PKNOX1: variants seen among roughly 807,000 people sequenced by gnomAD.
PKNOX1 encodes the protein PBX/knotted 1 homeobox 1.
A neutral mutation model predicts 51.9 loss-of-function variants in PKNOX1; 15 were observed. The ratio of observed to expected loss-of-function variants is 0.29; its 90% confidence interval spans 0.19 to 0.45. The LOEUF (loss-of-function observed/expected upper bound fraction) is 0.45. Among genes scored for constraint, PKNOX1 ranks in the 20% least tolerant of loss-of-function variants. The probability of loss-of-function intolerance (pLI) is 1.00; values close to 1 mark genes in which losing one functional copy is unlikely to be tolerated. For missense variants in PKNOX1, 462 were observed against 547.5 expected, an observed-to-expected ratio of 0.84 and a Z score of 1.56; for synonymous variants, 219 against 211.1, an observed-to-expected ratio of 1.04 and a Z score of -0.32.
At chr21:43,027,776 C>T (rs764712941) in intron 9 of PKNOX1, among the ~76,000 whole-genome samples, 13 of 152,066 alleles carry the variant, frequency 8.5e-5, no homozygotes, top group African/African-American at 1.4e-4. Context: ...ATGAGCTGGG[C>T]GAGGTGGTGG....
intron 1 of PKNOX1, among the ~76,000 whole-genome samples, chr21:42,994,995 T>A (rs1004775434): frequency 6.7e-6 from 1 of 149,904 alleles, no homozygotes; most frequent in Non-Finnish European, 1.5e-5. Context: ...AATCTTGACT[T>A]ACTGCAGCCT....
chr21:43,007,289 A>G (rs1274699420), intron 2 of PKNOX1, among the ~76,000 whole-genome samples: 1 of 152,200 alleles, frequency 6.6e-6, no homozygotes, highest in East Asian at 1.9e-4. Context: ...TGGTTATCTC[A>G]GTTCTTAAGC....
intron 1 of PKNOX1, among the ~76,000 whole-genome samples, chr21:42,993,577 CCTGGCAAGTCTA>C (rs1285474118): frequency 6.0e-5 from 9 of 150,810 alleles, no homozygotes; most frequent in Non-Finnish European, 1.2e-4. Context: ...TTTAAAAAGC[CCTGGCAAGTCTA>C]CTGCCTTATT....
At position 42,979,744 on chromosome 21, in the gene PKNOX1, AAAAAAAG is replaced by A. The variant is rs539050563; in HGVS notation, c.-57+5093_-57+5099del. ...GTGACACAGCGAGACTCCATCTCAG[AAAAAAAG>A]AAAAAAGAAAAATGAGGTGCTTATA... On this transcript the variant is annotated intron_variant, in intron 1 of 10. Coordinates refer to ENST00000291547, the MANE Select transcript of PKNOX1 (RefSeq NM_004571.5). 3.8e-4 allele frequency among the ~76,000 whole-genome samples: 58 copies of A among 151,620 alleles called. No homozygotes were observed. The South Asian group carries it at 6.3e-3, about 16-fold the overall frequency.
chr21:43,017,799 C>T (rs976444475), intron 6 of PKNOX1: 3 of 197,486 alleles, frequency 1.5e-5, no homozygotes, highest in African/African-American at 7.1e-5. Context: ...CCGAGTAGCC[C>T]ACCCAGGGAG....
chr21:42,978,141 G>T (rs1048222802), intron 1 of PKNOX1, among the ~76,000 whole-genome samples: 4 of 152,046 alleles, frequency 2.6e-5, no homozygotes, highest in Non-Finnish European at 5.9e-5. Context: ...GAGTAGCTGG[G>T]ATAACAGGTG....
In PKNOX1 at chr21:43,004,369, ACT is replaced by A. The variant is rs1978896459; in HGVS notation, c.-10_-9del. 6.3e-7 allele frequency: 1 copy of A among 1,587,638 alleles called. No individual in the cohort carries two copies. ...CCAAGATGATTTGATGTCTTATAAAACTCTGATGAACCATGATGGCTACACAG... is the reference window on the plus strand; with the variant it reads ...CCAAGATGATTTGATGTCTTATAAAACTGATGAACCATGATGGCTACACAG... On this transcript the variant is annotated 5_prime_UTR_variant, in exon 2 of 11. Coordinates refer to ENST00000291547, the MANE Select transcript of PKNOX1 (RefSeq NM_004571.5).
intron 1 of PKNOX1, among the ~76,000 whole-genome samples, chr21:42,999,639 C>T (rs577275814): frequency 6.6e-6 from 1 of 152,188 alleles, no homozygotes; most frequent in Admixed American, 6.5e-5. Context: ...CACCACCAAG[C>T]CCGGCTAATT....
intron 1 of PKNOX1, among the ~76,000 whole-genome samples, chr21:42,992,000 A>G (rs955289594): frequency 3.9e-5 from 6 of 152,224 alleles, no homozygotes; most frequent in Admixed American, 6.5e-5. Context: ...ACTACTACAA[A>G]TAAGCCACAG....
In PKNOX1 at chr21:43,013,216, C is replaced by T. The variant is rs765013701; in HGVS notation, c.500C>T (p.Pro167Leu). The T allele has an allele frequency of 1.2e-5, 19 of 1,611,270 alleles. No homozygotes were observed. Among genetic ancestry groups the T allele is most frequent in the African/African-American group, 5.3e-5 (4 of 74,810 alleles). The part of the protein sequence containing the change: ...ETLLSGEPGS[P>L]YSPVQSQQIQ... ...CTGTTGAGTGGAGAGCCTGGAAGCCCGTACTCACCAGTGCAGTCCCAGGTA... is the reference window on the plus strand; with the variant it reads ...CTGTTGAGTGGAGAGCCTGGAAGCCTGTACTCACCAGTGCAGTCCCAGGTA... The change falls in exon 5 of 11, where the codon CCG becomes CTG. Residue 167 changes from proline (P) to leucine (L), a missense_variant. This residue lies in a region of PKNOX1 where 126 missense variants were observed against 128.1 expected (regional missense o/e 0.98). Transcript: ENST00000291547.
chr21:43,028,986 A>C lies in PKNOX1; in HGVS notation c.1099+112A>C, dbSNP rs934282212. The C allele has an allele frequency of 4.0e-6, 4 of 991,544 alleles. No individual in the cohort carries two copies. In the African/African-American group the frequency reaches 6.4e-5, roughly 16 times the overall value. The allele number at this position is 991,544 out of a possible 1,614,324, so 61.4% of individuals were successfully genotyped here. Reference sequence around the variant, plus strand: ...AGCCTCAGGTAATGTGGTGAACGAGAGTGCGTGGTTCTCTTTCTCTGCAAC... The same window carrying C: ...AGCCTCAGGTAATGTGGTGAACGAGCGTGCGTGGTTCTCTTTCTCTGCAAC... On this transcript the variant is annotated intron_variant, in intron 10 of 10. Transcript: ENST00000291547.
intron 1 of PKNOX1, among the ~76,000 whole-genome samples, chr21:42,979,599 G>T (rs1461512070): frequency 2.0e-5 from 3 of 152,192 alleles, no homozygotes; most frequent in Admixed American, 1.3e-4. Flanking sequence ...AGAATTAGCT[G>T]GGCGTAGTGG....
chr21:43,004,408 A>G lies in PKNOX1; in HGVS notation c.27A>G (p.Ile9Met). The change falls in exon 2 of 11, where the codon ATA becomes ATG. Residue 9 changes from isoleucine (I) to methionine (M), a missense_variant. By Grantham distance (10) the Ile-to-Met change is conservative. Transcript: ENST00000291547. MMATQTLS[I>M]DSYQDGQQMQ... ...TGATGGCTACACAGACATTAAGTAT[A>G]GACAGCTATCAAGATGGGCAACAGG... is the stretch of plus-strand genomic sequence containing the variant. 1 of 1,609,508 alleles carries G rather than the reference A, an allele frequency of 6.2e-7. No individual in the cohort carries two copies. The highest frequency in any genetic ancestry group is 8.5e-7 in the Non-Finnish European group (1 of 1,175,860).
rs757947774 is a variant in PKNOX1, at chr21:43,028,893, G to A, written c.1099+19G>A. 3.7e-6 allele frequency: 6 copies of A among 1,613,300 alleles called. 1 individual carries two copies. The Middle Eastern group carries it at 6.6e-4, about 178-fold the overall frequency. ...TCGGAAGGTACAGGTGGCCGGCCAA[G>A]GCCAGACATGGTGGACCATGGGGTG... On this transcript the variant is annotated intron_variant, in intron 10 of 10. Transcript: ENST00000291547.
At chr21:43,008,787 A>G (rs1341116667) in intron 3 of PKNOX1, among the ~76,000 whole-genome samples, 1 of 152,120 alleles carries the variant, frequency 6.6e-6, no homozygotes, top group Non-Finnish European at 1.5e-5. Context: ...TCTCAAAAAA[A>G]AAAAATTTTT....
At chr21:42,987,956 T>C (rs2059064209) in intron 1 of PKNOX1, among the ~76,000 whole-genome samples, 1 of 151,964 alleles carries the variant, frequency 6.6e-6, no homozygotes, top group African/African-American at 2.4e-5. Context: ...GCATACGTAA[T>C]ACAGACAGTA....
intron 1 of PKNOX1, among the ~76,000 whole-genome samples, chr21:42,996,258 G>A (rs1054756455): frequency 4.6e-5 from 7 of 152,092 alleles, no homozygotes; most frequent in Non-Finnish European, 5.9e-5. Context: ...ATAGGTATAG[G>A]GACTGCTGCA....
intron 5 of PKNOX1, among the ~76,000 whole-genome samples, chr21:43,015,650 G>C (rs1251325344): frequency 6.6e-6 from 1 of 152,108 alleles, no homozygotes; most frequent in Non-Finnish European, 1.5e-5. Context: ...TGTAGACTTG[G>C]TGTTATTTCT....
intron 8 of PKNOX1, among the ~76,000 whole-genome samples, chr21:43,022,860 A>G (rs1478970654): frequency 6.6e-6 from 1 of 152,172 alleles, no homozygotes; most frequent in Non-Finnish European, 1.5e-5. Flanking sequence ...ATAGGAAGTC[A>G]AAAGGCAGCA....
Sources: allele counts gnomAD v4.1 joint callset (sites outside exome capture counted in the v4.1 genomes callset), GRCh38; gene constraint gnomAD v4.1.1; regional missense constraint gnomAD v4.1.1; transcripts MANE v1.5; gene names NCBI Gene and HGNC (gene_info 2026-07-23, HGNC 2026-07-21).